Variants in SLAIN2 observed in about 807,000 individuals in gnomAD.
SLAIN2 encodes SLAIN family member 2.
SLAIN2 carries 31 observed loss-of-function variants against 56.6 expected under a neutral mutation model. The observed-to-expected ratio is 0.55, with a 90% confidence interval of 0.41 to 0.74. The LOEUF (loss-of-function observed/expected upper bound fraction) is 0.74, where lower values mean the gene tolerates loss of function less well. Ranked by LOEUF, SLAIN2 falls within the 30% of genes least tolerant of loss-of-function variation. The probability of loss-of-function intolerance (pLI) is 0.00; values close to 1 mark genes in which losing one functional copy is unlikely to be tolerated. For synonymous variants in SLAIN2, 317 were observed against 284.9 expected, an observed-to-expected ratio of 1.11 and a Z score of -1.13; for missense variants, 777 against 754.2, an observed-to-expected ratio of 1.03 and a Z score of -0.35.
In SLAIN2 at chr4:48,389,109, TAA is replaced by T. The variant is rs150103133; in HGVS notation, c.1360+5326_1360+5327del. Among the ~76,000 whole-genome samples, 1,456 of 152,266 alleles carry T rather than the reference TAA, an allele frequency of 9.6e-3. 20 individuals are homozygous for T. The highest frequency in any genetic ancestry group is 0.033 in the African/African-American group (1,383 of 41,552). ...ATTTTGAAACACAAATTGAAATAAATAAGTCATGATTAATATGTGTAATGTGC... is the reference window on the plus strand; with the variant it reads ...ATTTTGAAACACAAATTGAAATAAATGTCATGATTAATATGTGTAATGTGC... On this transcript the variant is annotated intron_variant, in intron 6 of 7. Coordinates refer to ENST00000264313, the MANE Select transcript of SLAIN2 (RefSeq NM_020846.2).
At chr4:48,418,521 A>G (rs1717059524) in intron 6 of SLAIN2, among the ~76,000 whole-genome samples, 1 of 152,104 alleles carries the variant, frequency 6.6e-6, no homozygotes, top group Non-Finnish European at 1.5e-5. Flanking sequence ...TGGCATATAA[A>G]TCTATTTATA....
chr4:48,394,514 A>T (rs1716326578), intron 6 of SLAIN2: 2 of 1,267,292 alleles, frequency 1.6e-6, no homozygotes, highest in African/African-American at 3.0e-5. Flanking sequence ...TCAAGTTTAC[A>T]GACGCTGTAG....
At chr4:48,400,570 G>C (rs1215366322) in intron 6 of SLAIN2, among the ~76,000 whole-genome samples, 1 of 151,250 alleles carries the variant, frequency 6.6e-6, no homozygotes, top group Admixed American at 6.6e-5. Context: ...TAGCTAATTT[G>C]TTTGTATTTT....
intron 6 of SLAIN2, among the ~76,000 whole-genome samples, chr4:48,407,641 T>C (rs898628850): frequency 2.6e-5 from 4 of 152,208 alleles, no homozygotes; most frequent in African/African-American, 9.6e-5. Flanking sequence ...CTCTCTCTCG[T>C]ATTTGGAAGT....
intron 2 of SLAIN2, among the ~76,000 whole-genome samples, chr4:48,374,281 G>A (rs1715746780): frequency 6.6e-6 from 1 of 152,070 alleles, no homozygotes; most frequent in African/African-American, 2.4e-5. Context: ...CTGTTGCCCA[G>A]GCTGGAGTGC....
At chr4:48,376,686 A>G (rs1715822847) in intron 2 of SLAIN2, among the ~76,000 whole-genome samples, 1 of 132,848 alleles carries the variant, frequency 7.5e-6, no homozygotes, top group Non-Finnish European at 1.5e-5. Context: ...CAGTGGCTCG[A>G]TATCGGCTCA....
intron 6 of SLAIN2, among the ~76,000 whole-genome samples, chr4:48,393,658 A>G (rs1407182268): frequency 1.3e-5 from 2 of 152,166 alleles, no homozygotes; most frequent in South Asian, 2.1e-4. Context: ...TTTTTTGCAC[A>G]TAAACACTAA....
intron 6 of SLAIN2, among the ~76,000 whole-genome samples, chr4:48,409,363 T>C (rs1249283425): frequency 6.6e-6 from 1 of 152,206 alleles, no homozygotes; most frequent in Admixed American, 6.5e-5. Flanking sequence ...CCTAGGTGTG[T>C]AGTAGCTTAA....
Position 48,422,157 on chromosome 4 carries a change from C to A in SLAIN2, c.*80C>A. ...CTAAAAAACAACTTTTATATGCAGA[C>A]TGTTCAGATAAGACTCTTGGGATTT... On this transcript the variant is annotated 3_prime_UTR_variant, in exon 8 of 8. Transcript: ENST00000264313. 9.5e-7 allele frequency: 1 copy of A among 1,047,698 alleles called. No homozygotes were observed. The highest frequency in any genetic ancestry group is 1.5e-6 in the Non-Finnish European group (1 of 688,526). The allele number at this position is 1,047,698 out of a possible 1,614,324, so 64.9% of individuals were successfully genotyped here.
Position 48,341,922 on chromosome 4 carries a change from G to T in SLAIN2, c.183G>T (p.Ala61=), listed in dbSNP as rs1315786657. 6.6e-7 allele frequency: 1 copy of T among 1,505,836 alleles called. No individual in the cohort carries two copies. The highest frequency in any genetic ancestry group is 8.9e-7 in the Non-Finnish European group (1 of 1,129,120). The allele number at this position is 1,505,836 out of a possible 1,614,324, so 93.3% of individuals were successfully genotyped here. Reference sequence around the variant, plus strand: ...GCGCGTCCATTCCCTCCTCCGGCGCGGCGTCTCCTCGGGGCTTCCCCTTGG... The same window carrying T: ...GCGCGTCCATTCCCTCCTCCGGCGCTGCGTCTCCTCGGGGCTTCCCCTTGG... ...RAGASIPSSG[A]ASPRGFPLGL... The change falls in exon 1 of 8, where the codon GCG becomes GCT. Residue 61 remains alanine (A), a synonymous_variant. Transcript: ENST00000264313.
In SLAIN2 at chr4:48,425,401, T is replaced by C. The variant is rs907016734; in HGVS notation, c.*3324T>C. ...TATTATGAGTTTCCAAGAGGGACAA[T>C]TAATGCATTTTCATACCAAATGCGA... On this transcript the variant is annotated 3_prime_UTR_variant, in exon 8 of 8. Coordinates refer to ENST00000264313, the MANE Select transcript of SLAIN2 (RefSeq NM_020846.2). The C allele has an allele frequency of 1.3e-5, 2 of 152,118 alleles. No individual in the cohort carries two copies. Among genetic ancestry groups the C allele is most frequent in the Non-Finnish European group, 2.9e-5 (2 of 67,982 alleles). 9.4% of individuals were successfully genotyped at this position (152,118 alleles called of 1,614,324 possible). A position where few individuals can be genotyped will look rare whatever the true frequency, so the allele number is the denominator to read the frequency against.
At chr4:48,393,386 TTGTGTGTGTGTGTGTGTG>T (rs57142552) in intron 6 of SLAIN2, among the ~76,000 whole-genome samples, 15 of 135,448 alleles carry the variant, frequency 1.1e-4, no homozygotes, top group African/African-American at 3.7e-4. Flanking sequence ...CATGTCTGGC[TTGTGTGTGTGTGTGTGTG>T]TGTGTGTGTG....
At chr4:48,385,838 T>C (rs1453363218) in intron 6 of SLAIN2, among the ~76,000 whole-genome samples, 2 of 152,010 alleles carry the variant, frequency 1.3e-5, no homozygotes, top group African/African-American at 2.4e-5. Context: ...GCTGACTTCA[T>C]ATACTTCATG....
chr4:48,384,651 T>C (rs1716057936), intron 6 of SLAIN2, among the ~76,000 whole-genome samples: 1 of 152,212 alleles, frequency 6.6e-6, no homozygotes, highest in Admixed American at 6.5e-5. Context: ...TAATTTTTAA[T>C]AAGTTTTGGT....
chr4:48,369,147 C>T (rs1715601741), intron 1 of SLAIN2, among the ~76,000 whole-genome samples: 1 of 152,120 alleles, frequency 6.6e-6, no homozygotes, highest in Admixed American at 6.5e-5. Context: ...TATGGAGTGA[C>T]ACTTGAAATA....
At chr4:48,344,086 TTTG>T (rs959456232) in intron 1 of SLAIN2, among the ~76,000 whole-genome samples, 4 of 24,094 alleles carry the variant, frequency 1.7e-4, no homozygotes, top group African/African-American at 4.7e-4. Flanking sequence ...TGAGCATGAG[TTTG>T]TTAAGGTAAA....
At chr4:48,377,104 G>T (rs963966257) in intron 2 of SLAIN2, among the ~76,000 whole-genome samples, 8 of 151,526 alleles carry the variant, frequency 5.3e-5, no homozygotes, top group African/African-American at 1.9e-4. Flanking sequence ...ACTTTAGGAG[G>T]CCAAGATAGG....
intron 1 of SLAIN2, among the ~76,000 whole-genome samples, chr4:48,368,050 G>GTTTTTTTTTTTTTTT (rs1466698335): frequency 1.4e-4 from 4 of 28,534 alleles, no homozygotes; most frequent in African/African-American, 7.0e-4. Flanking sequence ...TGTTTTTGAG[G>GTTTTTTTTTTTTTTT]CTTTTTTTTT....
chr4:48,376,747 C>T (rs1453711030), intron 2 of SLAIN2, among the ~76,000 whole-genome samples: 9 of 149,426 alleles, frequency 6.0e-5, no homozygotes, highest in African/African-American at 4.9e-5. Flanking sequence ...TCAGCCTCTC[C>T]GAGTAGCTGG....
Sources: allele counts gnomAD v4.1 joint callset (sites outside exome capture counted in the v4.1 genomes callset), GRCh38; gene constraint gnomAD v4.1.1; transcripts MANE v1.5; gene names NCBI Gene and HGNC (gene_info 2026-07-23, HGNC 2026-07-21).